The following NXPH1 variants were observed in gnomAD, a reference collection of about 807,000 sequenced individuals.
NXPH1 encodes the protein neurexophilin-1.
Under a neutral mutation model 23.7 loss-of-function variants are expected in NXPH1, and 5 were observed. The observed-to-expected ratio is 0.21, with a 90% CI of 0.11 to 0.44. The LOEUF is 0.44. NXPH1 is among the 20% of genes least tolerant of loss of function. The pLI is 0.99. For synonymous variants in NXPH1, 144 were observed against 122.2 expected, an observed-to-expected ratio of 1.18 and a Z score of -1.18; for missense variants, 324 against 321.6, an observed-to-expected ratio of 1.01 and a Z score of -0.06.
chr7:8,568,419 A>C (rs111854031), intron 2 of NXPH1, among the ~76,000 whole-genome samples: 1 of 151,854 alleles, frequency 6.6e-6, no homozygotes, highest in Non-Finnish European at 1.5e-5. Flanking sequence ...CAAGGCCCCA[A>C]AATAGCAGCT....
chr7:8,644,757 C>G (rs1299243781), intron 2 of NXPH1, among the ~76,000 whole-genome samples: 2 of 151,946 alleles, frequency 1.3e-5, no homozygotes, highest in South Asian at 2.1e-4. Context: ...TGATAATGAC[C>G]ATTGGATCCC....
intron 2 of NXPH1, among the ~76,000 whole-genome samples, chr7:8,693,191 A>G (rs1323900148): frequency 6.6e-6 from 1 of 152,172 alleles, no homozygotes; most frequent in East Asian, 1.9e-4. Context: ...CAAAAACAAA[A>G]ACAAAAAAAA....
intron 2 of NXPH1, among the ~76,000 whole-genome samples, chr7:8,746,797 T>G (rs930051636): frequency 2.0e-5 from 3 of 152,126 alleles, no homozygotes; most frequent in African/African-American, 7.2e-5. Context: ...TATTTCAACC[T>G]GATTAACTAA....
chr7:8,477,326 C>T (rs569747913), intron 2 of NXPH1, among the ~76,000 whole-genome samples: 41 of 151,410 alleles, frequency 2.7e-4, no homozygotes, highest in Non-Finnish European at 3.1e-4. Flanking sequence ...CCTGCTGTTC[C>T]GGAGCTGTAT....
At chr7:8,515,247 G>T (rs1052015087) in intron 2 of NXPH1, among the ~76,000 whole-genome samples, 1 of 152,138 alleles carries the variant, frequency 6.6e-6, no homozygotes, top group African/African-American at 2.4e-5. Flanking sequence ...GTCTAGGTGG[G>T]AGGTGGGATA....
At chr7:8,526,775 C>A (rs1450870943) in intron 2 of NXPH1, among the ~76,000 whole-genome samples, 1 of 152,176 alleles carries the variant, frequency 6.6e-6, no homozygotes, top group South Asian at 2.1e-4. Context: ...GAGGCCTCCC[C>A]AGCCATGTGG....
At chr7:8,500,501 G>C (rs1445669857) in intron 2 of NXPH1, among the ~76,000 whole-genome samples, 1 of 152,032 alleles carries the variant, frequency 6.6e-6, no homozygotes. Context: ...TGCCTTATTT[G>C]GCTGTTGTGA....
intron 2 of NXPH1, among the ~76,000 whole-genome samples, chr7:8,731,766 A>G (rs1223464897): frequency 2.6e-5 from 4 of 152,206 alleles, no homozygotes; most frequent in Non-Finnish European, 5.9e-5. Context: ...GGGACATTTA[A>G]TTCTGCAGAG....
At chr7:8,596,922 C>T (rs2107281) in intron 2 of NXPH1, among the ~76,000 whole-genome samples, 13,649 of 152,010 alleles carry the variant, frequency 0.09, 1,445 homozygotes, top group East Asian at 0.24. Context: ...CTATATGCAA[C>T]GTGCAGGAAT....
intron 2 of NXPH1, among the ~76,000 whole-genome samples, chr7:8,612,305 T>C (rs1475590362): frequency 2.0e-5 from 3 of 151,614 alleles, no homozygotes; most frequent in Non-Finnish European, 4.4e-5. Context: ...TTTTGAGTAT[T>C]TATAGTGATA....
At chr7:8,463,972 C>T (rs984285558) in intron 2 of NXPH1, among the ~76,000 whole-genome samples, 13 of 152,262 alleles carry the variant, frequency 8.5e-5, no homozygotes, top group African/African-American at 2.9e-4. Context: ...TATTTCTATT[C>T]ACATATTTTG....
At chr7:8,473,256 G>A (rs368107248) in intron 2 of NXPH1, among the ~76,000 whole-genome samples, 5 of 152,094 alleles carry the variant, frequency 3.3e-5, no homozygotes, top group Non-Finnish European at 7.4e-5. Flanking sequence ...CCCAACCAAG[G>A]CTTGAAAATC....
At chr7:8,558,957 T>C (rs2128620492) in intron 2 of NXPH1, among the ~76,000 whole-genome samples, 1 of 151,862 alleles carries the variant, frequency 6.6e-6, no homozygotes, top group African/African-American at 2.4e-5. Context: ...CATCCTAATA[T>C]TGGGATCTTT....
At chr7:8,522,982 T>A (rs1251272848) in intron 2 of NXPH1, among the ~76,000 whole-genome samples, 2 of 152,240 alleles carry the variant, frequency 1.3e-5, no homozygotes, top group African/African-American at 4.8e-5. Flanking sequence ...ACCAGCTGTG[T>A]AACTTTGGGC....
intron 2 of NXPH1, among the ~76,000 whole-genome samples, chr7:8,456,653 A>T (rs920881779): frequency 1.3e-5 from 2 of 152,152 alleles, no homozygotes; most frequent in African/African-American, 4.8e-5. Context: ...TTTGATTTTG[A>T]GCTGAAAAAC....
intron 2 of NXPH1, among the ~76,000 whole-genome samples, chr7:8,602,538 T>G (rs747926791): frequency 1.3e-4 from 20 of 152,220 alleles, no homozygotes; most frequent in Non-Finnish European, 2.5e-4. Flanking sequence ...TCCTCTTTCC[T>G]TTGAATGTTC....
chr7:8,601,577 C>A (rs1819361967), intron 2 of NXPH1, among the ~76,000 whole-genome samples: 1 of 152,110 alleles, frequency 6.6e-6, no homozygotes, highest in Non-Finnish European at 1.5e-5. Context: ...GTGATGTTGA[C>A]CCTTGTCCTC....
chr7:8,560,671 A>C (rs945171338), intron 2 of NXPH1, among the ~76,000 whole-genome samples: 1 of 151,706 alleles, frequency 6.6e-6, no homozygotes, highest in Non-Finnish European at 1.5e-5. Context: ...CTTCCAAGCC[A>C]TTAGTTGATC....
At chr7:8,566,140 T>C (rs1207683622) in intron 2 of NXPH1, among the ~76,000 whole-genome samples, 2 of 151,904 alleles carry the variant, frequency 1.3e-5, no homozygotes, top group East Asian at 3.9e-4. Flanking sequence ...GTTTTCTGAG[T>C]CTCTCACAGA....
Sources: allele counts gnomAD v4.1 joint callset (sites outside exome capture counted in the v4.1 genomes callset), GRCh38; gene constraint gnomAD v4.1.1; transcripts MANE v1.5; gene names NCBI Gene and HGNC (gene_info 2026-07-23, HGNC 2026-07-21).